Variants in FRMD8 observed in about 807,000 individuals in gnomAD.
FRMD8 encodes the protein FERM domain containing 8.
A neutral mutation model predicts 54.2 loss-of-function variants in FRMD8; 37 were observed. The ratio of observed to expected loss-of-function variants is 0.68; its 90% CI spans 0.53 to 0.90. The LOEUF is 0.90. Ranked by LOEUF, FRMD8 falls within the 40% of genes least tolerant of loss-of-function variation. FRMD8 has a pLI of 0.00. For synonymous variants in FRMD8, 246 were observed against 286.9 expected, an observed-to-expected ratio of 0.86 and a Z score of 1.44; for missense variants, 585 against 653.7, an observed-to-expected ratio of 0.89 and a Z score of 1.15.
At chr11:65,407,117 A>G (rs1171116800) in intron 10 of FRMD8, among the ~76,000 whole-genome samples, 1 of 152,160 alleles carries the variant, frequency 6.6e-6, no homozygotes, top group Admixed American at 6.6e-5. Context: ...ACATGCTGTC[A>G]TCGGGAGAAG....
intron 6 of FRMD8, among the ~76,000 whole-genome samples, chr11:65,396,136 A>T (rs923451409): frequency 5.3e-5 from 8 of 152,084 alleles, no homozygotes; most frequent in Admixed American, 5.2e-4. Context: ...TTCGGCTCCT[A>T]TGAGTTTCCT....
intron 4 of FRMD8, 66 bp from the exon 5 acceptor site, chr11:65,393,975 C>G: frequency 2.6e-6 from 4 of 1,557,540 alleles, no homozygotes; most frequent in Non-Finnish European, 3.5e-6. Context: ...GGGCCTGGGC[C>G]AATCGGGAGA....
rs779034385 is a variant in FRMD8, at chr11:65,396,806, C to A, written c.589C>A (p.Leu197Met). 6.5e-7 allele frequency: 1 copy of A among 1,537,860 alleles called. No individual in the cohort carries two copies. The highest frequency in any genetic ancestry group is 8.8e-7 in the Non-Finnish European group (1 of 1,142,212). ...RPAACDLREK[L>M]DSFLPAHLCK... ...GTCTTCCTTCCTCCACAGGGAGAAG[C>A]TGGACTCCTTCCTCCCTGCCCACCT... The change falls in exon 7 of 11, where the codon CTG (leucine) becomes ATG (methionine). Residue 197 changes from leucine (L) to methionine (M), a missense_variant. Coordinates refer to ENST00000317568, the MANE Select transcript of FRMD8 (RefSeq NM_031904.5).
rs1856338521 is a variant in FRMD8, at chr11:65,411,722, C to T, written c.*362C>T. The T allele has an allele frequency of 5.6e-6, 1 of 179,516 alleles. No homozygotes were observed. 11.1% of individuals were successfully genotyped at this position (179,516 alleles called of 1,614,324 possible). A position where few individuals can be genotyped will look rare whatever the true frequency, so the allele number is the denominator to read the frequency against. On this transcript the variant is annotated 3_prime_UTR_variant, in exon 11 of 11. Transcript: ENST00000317568. ...CCTGTTCTGAAGTGCCCAGTGGCAG[C>T]TCCAGTGGTAGAGGACCAAGGATTG... is the stretch of plus-strand genomic sequence containing the variant.
Position 65,396,920 on chromosome 11 carries a change from C to A in FRMD8, c.703C>A (p.Arg235Ser). The change falls in exon 7 of 11, where the codon CGC (arginine) becomes AGC (serine). Residue 235 changes from arginine (R) to serine (S), a missense_variant. Physicochemically the swap from Arg to Ser is moderately radical, Grantham distance 110. Coordinates refer to ENST00000317568, the MANE Select transcript of FRMD8 (RefSeq NM_031904.5). ...CGAGCAGGGCCTGCTGAACGCCTAC[C>A]GCCAGGTGCAGGAGGTCAGCAGCGA... ...PGEQGLLNAY[R>S]QVQEVSSDGG... 1 of 1,552,112 alleles carries A rather than the reference C, an allele frequency of 6.4e-7. No homozygotes were observed. Among genetic ancestry groups the A allele is most frequent in the Non-Finnish European group, 8.7e-7 (1 of 1,148,064 alleles).
intron 2 of FRMD8, among the ~76,000 whole-genome samples, chr11:65,388,352 A>G (rs138975738): frequency 6.6e-6 from 1 of 152,212 alleles, no homozygotes; most frequent in Non-Finnish European, 1.5e-5. Context: ...TGATTTTGTG[A>G]TCTCTGAGAG....
upstream of FRMD8, chr11:65,383,701 T>G: frequency 7.7e-6 from 1 of 129,290 alleles, no homozygotes; most frequent in South Asian, 2.5e-4. Flanking sequence ...GCTGTTGCAG[T>G]GAGCCAAGAT....
intron 4 of FRMD8, 114 bp from the exon 5 acceptor site, chr11:65,393,927 C>T: frequency 8.7e-7 from 1 of 1,143,890 alleles, no homozygotes; most frequent in Non-Finnish European, 1.3e-6. Flanking sequence ...GCACGGCCCT[C>T]CGGTTTTCTC....
rs894413630 is a variant in FRMD8, at chr11:65,393,924, C to T, written c.356-117C>T. On this transcript the variant is annotated intron_variant, in intron 4 of 10. Transcript: ENST00000317568. Reference sequence around the variant, plus strand: ...CTGCACACTCCACCCTCTGCACGGCCCTCCGGTTTTCTCAGCCCTGGTGGG... The same window carrying T: ...CTGCACACTCCACCCTCTGCACGGCTCTCCGGTTTTCTCAGCCCTGGTGGG... 3.6e-6 allele frequency: 4 copies of T among 1,101,880 alleles called. No individual in the cohort carries two copies. In the Admixed American group the frequency reaches 5.9e-5, roughly 16 times the overall value. The allele number at this position is 1,101,880 out of a possible 1,614,324, so 68.3% of individuals were successfully genotyped here.
the FRMD8 span, chr11:65,379,497 A>G: frequency 1.2e-6 from 2 of 1,614,060 alleles, no homozygotes; most frequent in Non-Finnish European, 1.7e-6. Flanking sequence ...GACCCCAAAC[A>G]GGACAGAGTT....
chr11:65,397,921 G>C (rs1855992027), intron 7 of FRMD8, among the ~76,000 whole-genome samples: 1 of 149,318 alleles, frequency 6.7e-6, no homozygotes, highest in Non-Finnish European at 1.5e-5. Context: ...TTGTTGCCAG[G>C]CTGGAGTGCA....
At chr11:65,394,821 G>C (rs1855915251) in intron 6 of FRMD8, among the ~76,000 whole-genome samples, 1 of 152,204 alleles carries the variant, frequency 6.6e-6, no homozygotes, top group African/African-American at 2.4e-5. Flanking sequence ...CCACCTCCCA[G>C]CCCTCTCCAG....
Position 65,400,704 on chromosome 11 carries a change from C to G in FRMD8, c.928-20C>G, listed in dbSNP as rs1246041309. 6.4e-7 allele frequency: 1 copy of G among 1,560,194 alleles called. No homozygotes were observed. The highest frequency in any genetic ancestry group is 1.2e-5 in the South Asian group (1 of 82,534). On this transcript the variant is annotated intron_variant, in intron 8 of 10. Transcript: ENST00000317568. The surrounding 1 kb of genome is among the most constrained non-coding windows in gnomAD (Gnocchi z 4.3). ...CTCTGCCCAGGGGTCAAGCCTGGCT[C>G]TGTGTCTCCTGCTGGCCAGCATGTC...
At chr11:65,397,243 C>T (rs891929601) in intron 7 of FRMD8, among the ~76,000 whole-genome samples, 1 of 152,232 alleles carries the variant, frequency 6.6e-6, no homozygotes, top group Non-Finnish European at 1.5e-5. Flanking sequence ...TCTCCTTCTA[C>T]CTGGCACAGT....
the FRMD8 span, among the ~76,000 whole-genome samples, chr11:65,374,488 A>C: frequency 6.6e-6 from 1 of 152,346 alleles, no homozygotes; most frequent in Admixed American, 6.5e-5. Context: ...AACTGTGATC[A>C]TAACACTGTG....
intron 10 of FRMD8, among the ~76,000 whole-genome samples, chr11:65,408,232 G>A (rs1426021421): frequency 6.6e-6 from 1 of 151,600 alleles, no homozygotes; most frequent in Non-Finnish European, 1.5e-5. Flanking sequence ...GCACCACCAC[G>A]CCCAGCTAAT....
At chr11:65,389,818 G>A (rs1451844347) in intron 3 of FRMD8, among the ~76,000 whole-genome samples, 2 of 152,192 alleles carry the variant, frequency 1.3e-5, no homozygotes, top group African/African-American at 2.4e-5. Flanking sequence ...ACCGCAGGAG[G>A]GAGGGAGGAA....
chr11:65,386,089 C>A (rs1016607529), upstream of FRMD8, among the ~76,000 whole-genome samples: 3 of 152,192 alleles, frequency 2.0e-5, no homozygotes, highest in Non-Finnish European at 4.4e-5. Flanking sequence ...AGCCACCGCG[C>A]CCGGCCGACA....
intron 2 of FRMD8, 152 bp downstream of exon 2, chr11:65,387,273 C>A: frequency 1.3e-6 from 1 of 762,312 alleles, no homozygotes; most frequent in South Asian, 1.4e-5. Context: ...TCACAGAAGT[C>A]AGAGGCTCTG....
Sources: allele counts gnomAD v4.1 joint callset (sites outside exome capture counted in the v4.1 genomes callset), GRCh38; gene constraint gnomAD v4.1.1; non-coding constraint Gnocchi (gnomAD v3.1); transcripts MANE v1.5; gene names NCBI Gene and HGNC (gene_info 2026-07-23, HGNC 2026-07-21).